The following RAPGEF1 variants were observed in gnomAD, a reference collection of about 807,000 sequenced individuals.
RAPGEF1 encodes Rap guanine nucleotide exchange factor 1.
RAPGEF1 carries 33 observed loss-of-function variants against 143.3 expected under a neutral mutation model. That is an observed-to-expected ratio of 0.23 (90% CI 0.17 to 0.31). The LOEUF is 0.31. Ranked by LOEUF, RAPGEF1 falls within the 10% of genes least tolerant of loss-of-function variation. RAPGEF1 has a pLI of 1.00. For missense variants in RAPGEF1, 1,199 were observed against 1,645.4 expected (o/e 0.73, Z 4.69); for synonymous variants, 629 against 676.5 (o/e 0.93, Z 1.09).
chr9:131,665,047 G>A (rs1315207245), intron 1 of RAPGEF1, among the ~76,000 whole-genome samples: 1 of 152,136 alleles, frequency 6.6e-6, no homozygotes, highest in Admixed American at 6.5e-5. Context: ...GTATATATTC[G>A]AGAGCTGTCG....
chr9:131,688,435 A>G (rs1044893964), intron 1 of RAPGEF1, among the ~76,000 whole-genome samples: 1 of 152,204 alleles, frequency 6.6e-6, no homozygotes, highest in African/African-American at 2.4e-5. Context: ...ATAAGCCAGG[A>G]ACCTGGTGGC....
chr9:131,721,233 T>C (rs2131279589), intron 1 of RAPGEF1, among the ~76,000 whole-genome samples: 2 of 152,312 alleles, frequency 1.3e-5, no homozygotes, highest in Non-Finnish European at 2.9e-5. Flanking sequence ...CTCAGTGTTT[T>C]CTCATCCAAA....
intron 22 of RAPGEF1, 105 bp downstream of exon 22, chr9:131,587,631 C>G: frequency 9.8e-7 from 1 of 1,025,242 alleles, no homozygotes; most frequent in South Asian, 1.4e-5. Flanking sequence ...ATGAAAGAGG[C>G]AGCTCCTTCT....
intron 12 of RAPGEF1, among the ~76,000 whole-genome samples, chr9:131,609,131 GCC>G (rs1957594214): frequency 6.6e-6 from 1 of 152,128 alleles, no homozygotes; most frequent in African/African-American, 2.4e-5. Flanking sequence ...GGGGTGCCTG[GCC>G]CCCAATGTCA....
chr9:131,577,954 ATGG>A lies in RAPGEF1; in HGVS notation c.*1540_*1542del, dbSNP rs1951385148. On this transcript the variant is annotated 3_prime_UTR_variant, in exon 27 of 27. Coordinates refer to ENST00000683357, the MANE Select transcript of RAPGEF1 (RefSeq NM_001377935.1). ...AAACCCATGAAGGACTCAAAGTGACATGGTGGTTTAAAAAAAAACCTAAATGAT... is the reference window on the plus strand; with the variant it reads ...AAACCCATGAAGGACTCAAAGTGACATGGTTTAAAAAAAAACCTAAATGAT... The A allele has an allele frequency of 6.6e-6, 1 of 152,246 alleles. No individual in the cohort carries two copies. The highest frequency in any genetic ancestry group is 1.5e-5 in the Non-Finnish European group (1 of 68,046). 9.4% of individuals were successfully genotyped at this position (152,246 alleles called of 1,614,324 possible).
rs574296485 is a variant in RAPGEF1, at chr9:131,630,255, G to C, written c.721C>G (p.Pro241Ala). 2 of 1,613,782 alleles carry C rather than the reference G, an allele frequency of 1.2e-6. No individual in the cohort carries two copies. Among genetic ancestry groups the C allele is most frequent in the African/African-American group, 2.7e-5 (2 of 74,996 alleles). ...ACCTACCCATCAGGCTTGCTGGCAG[G>C]GGAACTGGGCTTCACGGGGCTCGTC... ...SPTSPVKPSS[P>A]ASKPDGPAEL... The change falls in exon 6 of 27, where the codon CCT becomes GCT. Residue 241 changes from proline (P) to alanine (A), a missense_variant. By Grantham distance (27) the Pro-to-Ala change is conservative. Transcript: ENST00000683357.
At chr9:131,624,785 G>A (rs1962430340) in intron 10 of RAPGEF1, among the ~76,000 whole-genome samples, 1 of 152,242 alleles carries the variant, frequency 6.6e-6, no homozygotes, top group Non-Finnish European at 1.5e-5. Context: ...TTTCTGATGA[G>A]CAAATATACA....
At chr9:131,590,481 T>C (rs1417683720) in intron 18 of RAPGEF1, among the ~76,000 whole-genome samples, 1 of 152,078 alleles carries the variant, frequency 6.6e-6, no homozygotes, top group African/African-American at 2.4e-5. Context: ...CCGGGCCGGG[T>C]CTCTCTTCCC....
At chr9:131,594,377 G>A (rs1480351100) in intron 17 of RAPGEF1, among the ~76,000 whole-genome samples, 1 of 152,266 alleles carries the variant, frequency 6.6e-6, no homozygotes, top group Non-Finnish European at 1.5e-5. Flanking sequence ...GGGATAGACA[G>A]GATCTAAGCT....
At position 131,587,356 on chromosome 9, in the gene RAPGEF1, G is replaced by A. The variant is rs73559609; in HGVS notation, c.3233+380C>T. Among the ~76,000 whole-genome samples, 529 of 147,060 alleles carry A rather than the reference G, an allele frequency of 3.6e-3. 16 individuals carry two copies. The highest frequency in any genetic ancestry group is 0.014 in the African/African-American group (497 of 36,746). On this transcript the variant is annotated intron_variant, in intron 22 of 26. Transcript: ENST00000683357. ...TTAAAGACTAAATGCAAACATTAAC[G>A]TTATAGAGCCCACTCCTTTGCTAAC... is the stretch of plus-strand genomic sequence containing the variant.
chr9:131,737,363 A>G, intron 1 of RAPGEF1: 5 of 1,613,500 alleles, frequency 3.1e-6, no homozygotes, highest in Non-Finnish European at 8.5e-7. Flanking sequence ...TGTCCCCTCC[A>G]GTGTCTTCCT....
At chr9:131,633,442 A>G (rs902614265) in intron 5 of RAPGEF1, among the ~76,000 whole-genome samples, 13 of 152,200 alleles carry the variant, frequency 8.5e-5, no homozygotes, top group African/African-American at 2.9e-4. Flanking sequence ...TCTTCTTTAC[A>G]AGCAGGGCAA....
At chr9:131,699,189 T>C (rs1834433721) in intron 1 of RAPGEF1, among the ~76,000 whole-genome samples, 1 of 151,680 alleles carries the variant, frequency 6.6e-6, no homozygotes, top group Admixed American at 6.6e-5. Context: ...CTGTGGCCAA[T>C]TCTCCTCTGC....
intron 1 of RAPGEF1, among the ~76,000 whole-genome samples, chr9:131,722,727 A>C (rs1485960218): frequency 6.6e-6 from 1 of 152,220 alleles, no homozygotes; most frequent in Non-Finnish European, 1.5e-5. Flanking sequence ...TGGGCTGGGC[A>C]TGGTGGCTCC....
At chr9:131,660,704 C>A (rs1344265829) in intron 1 of RAPGEF1, among the ~76,000 whole-genome samples, 1 of 152,200 alleles carries the variant, frequency 6.6e-6, no homozygotes, top group Non-Finnish European at 1.5e-5. Flanking sequence ...AAACTGCCCC[C>A]CACTGAGCTG....
intron 13 of RAPGEF1, among the ~76,000 whole-genome samples, 192 bp downstream of exon 13, chr9:131,604,739 T>C (rs1250364175): frequency 6.6e-6 from 1 of 152,188 alleles, no homozygotes; most frequent in Non-Finnish European, 1.5e-5. Flanking sequence ...GGGCTCCCAT[T>C]GCACCTTGTG....
At chr9:131,614,146 C>CT (rs1014746712) in intron 12 of RAPGEF1, among the ~76,000 whole-genome samples, 1 of 152,054 alleles carries the variant, frequency 6.6e-6, no homozygotes, top group Non-Finnish European at 1.5e-5. Context: ...CAACACCCCC[C>CT]CCCAAGGAGG....
intron 1 of RAPGEF1, chr9:131,709,471 G>T: frequency 3.0e-6 from 2 of 676,946 alleles, no homozygotes; most frequent in Non-Finnish European, 5.0e-6. Flanking sequence ...CAGGAGAATT[G>T]TGAATTTTCT....
At position 131,632,348 on chromosome 9, in the gene RAPGEF1, C is replaced by T. The variant is rs368992461; in HGVS notation, c.652-2024G>A. On this transcript the variant is annotated intron_variant, in intron 5 of 26. Coordinates refer to ENST00000683357, the MANE Select transcript of RAPGEF1 (RefSeq NM_001377935.1). ...TAGAGACGGGGTTTCACCGTGGTCTCGATCTCCTGACCTCGTGATCCGCCC... is the reference window on the plus strand; with the variant it reads ...TAGAGACGGGGTTTCACCGTGGTCTTGATCTCCTGACCTCGTGATCCGCCC... Among the ~76,000 whole-genome samples the T allele has an allele frequency of 4.3e-3, 630 of 146,782 alleles. 2 individuals are homozygous for T. The highest frequency in any genetic ancestry group is 0.021 in the Middle Eastern group (6 of 280).
Sources: gnomAD v4.1 joint callset for allele counts (sites outside exome capture counted in the v4.1 genomes callset) on GRCh38, gnomAD v4.1.1 for gene constraint, MANE v1.5 for transcripts, NCBI Gene and HGNC (gene_info 2026-07-23, HGNC 2026-07-21) for gene names.